UNC13B: variants seen among roughly 807,000 people sequenced by gnomAD.
The protein encoded by UNC13B is unc-13 homolog B, also known as protein unc-13 homolog B.
Under a neutral mutation model 211.0 loss-of-function variants are expected in UNC13B, and 144 were observed. The observed-to-expected ratio is 0.68, with a 90% CI of 0.60 to 0.78. The LOEUF (loss-of-function observed/expected upper bound fraction) is 0.78. Ranked by LOEUF, UNC13B falls within the 30% of genes least tolerant of loss-of-function variation. UNC13B has a pLI of 0.00. For missense variants in UNC13B, 1,777 were observed against 2,002.0 expected, an observed-to-expected ratio of 0.89 and a Z score of 2.14; for synonymous variants, 709 against 725.8, an observed-to-expected ratio of 0.98 and a Z score of 0.37.
chr9:35,166,515 A>AT (rs562837794), intron 1 of UNC13B, among the ~76,000 whole-genome samples: 9 of 150,718 alleles, frequency 6.0e-5, no homozygotes, highest in African/African-American at 1.5e-4. Context: ...TTTAAATTTA[A>AT]TTTTTTTTTT....
intron 11 of UNC13B, among the ~76,000 whole-genome samples, chr9:35,366,571 A>G (rs1052504427): frequency 6.6e-6 from 1 of 152,180 alleles, no homozygotes; most frequent in African/African-American, 2.4e-5. Flanking sequence ...TGGACTCTAT[A>G]TGAAGGTGTC....
intron 34 of UNC13B, 34 bp from the exon 35 acceptor site, chr9:35,399,358 T>A: frequency 1.2e-6 from 2 of 1,614,026 alleles, no homozygotes; most frequent in Non-Finnish European, 1.7e-6. Context: ...GGAGTTGGGG[T>A]CCTCTGCTTT....
In UNC13B at chr9:35,274,847, C is replaced by T. The variant is rs570091451; in HGVS notation, c.526+15797C>T. ...TTGGCTGCATCCAAATTGCAGTGCTCCCCCATAAAAGAGATGTCCAGCTCC... is the reference window on the plus strand; with the variant it reads ...TTGGCTGCATCCAAATTGCAGTGCTTCCCCATAAAAGAGATGTCCAGCTCC... On this transcript the variant is annotated intron_variant, in intron 7 of 39. Coordinates refer to ENST00000635942, the MANE Select transcript of UNC13B (RefSeq NM_001371189.2). 5.3e-5 allele frequency among the ~76,000 whole-genome samples: 8 copies of T among 152,256 alleles called. No homozygotes were observed. The South Asian group carries it at 1.7e-3, about 32-fold the overall frequency.
chr9:35,348,407 G>A (rs899566533), intron 11 of UNC13B, among the ~76,000 whole-genome samples: 2 of 152,214 alleles, frequency 1.3e-5, no homozygotes, highest in Non-Finnish European at 2.9e-5. Context: ...GGAACTGAAT[G>A]ATTTACTCCT....
In UNC13B at chr9:35,299,380, C is replaced by T. The variant is rs1021584064; in HGVS notation, c.762-786C>T. On this transcript the variant is annotated intron_variant, in intron 8 of 39. Coordinates refer to ENST00000635942, the MANE Select transcript of UNC13B (RefSeq NM_001371189.2). ...GACTATATTCTTGGCTACACATCCT[C>T]AAATATAACTTTCAGAAAGTTAACA... Among the ~76,000 whole-genome samples, 3 of 152,256 alleles carry T rather than the reference C, an allele frequency of 2.0e-5. No individual in the cohort carries two copies. The South Asian group carries it at 6.2e-4, about 32-fold the overall frequency.
intron 1 of UNC13B, among the ~76,000 whole-genome samples, chr9:35,214,602 A>C (rs979210619): frequency 6.6e-6 from 1 of 152,196 alleles, no homozygotes; most frequent in African/African-American, 2.4e-5. Flanking sequence ...AGGGAGAAAG[A>C]GAGAGGCTGA....
intron 11 of UNC13B, among the ~76,000 whole-genome samples, chr9:35,326,396 G>A (rs1444455634): frequency 6.6e-6 from 1 of 152,076 alleles, no homozygotes; most frequent in African/African-American, 2.4e-5. Flanking sequence ...CATATGATAA[G>A]GTTTAATTTG....
intron 6 of UNC13B, among the ~76,000 whole-genome samples, chr9:35,255,085 T>A (rs1037313149): frequency 4.8e-5 from 6 of 125,406 alleles, no homozygotes; most frequent in South Asian, 2.2e-4. Context: ...ATATATATAT[T>A]ATATATATAT....
intron 1 of UNC13B, among the ~76,000 whole-genome samples, chr9:35,208,672 C>G (rs1057128585): frequency 5.9e-5 from 9 of 152,256 alleles, no homozygotes; most frequent in African/African-American, 1.9e-4. Context: ...TCCTCATTCA[C>G]TTGCCATCAC....
chr9:35,291,498 C>T (rs1173965755), intron 7 of UNC13B, among the ~76,000 whole-genome samples: 1 of 152,176 alleles, frequency 6.6e-6, no homozygotes, highest in African/African-American at 2.4e-5. Context: ...GATTGGTGTG[C>T]ATTCTGATTT....
intron 10 of UNC13B, among the ~76,000 whole-genome samples, chr9:35,311,367 C>T (rs1830173440): frequency 6.6e-6 from 1 of 152,182 alleles, no homozygotes; most frequent in Non-Finnish European, 1.5e-5. Flanking sequence ...ATATGGCAGC[C>T]TCTGAGTCAG....
At chr9:35,314,715 G>A (rs758871949) in intron 11 of UNC13B, among the ~76,000 whole-genome samples, 17 of 151,714 alleles carry the variant, frequency 1.1e-4, no homozygotes, top group Non-Finnish European at 2.2e-4. Flanking sequence ...TAAGTCTCCA[G>A]TGTCTATTAT....
At chr9:35,179,926 C>T (rs1317037723) in intron 1 of UNC13B, among the ~76,000 whole-genome samples, 1 of 152,178 alleles carries the variant, frequency 6.6e-6, no homozygotes, top group African/African-American at 2.4e-5. Flanking sequence ...CTGTAAGAGT[C>T]AGTTGCCTAA....
At chr9:35,374,665 G>C (rs1834280728) in intron 13 of UNC13B, among the ~76,000 whole-genome samples, 1 of 152,240 alleles carries the variant, frequency 6.6e-6, no homozygotes, top group African/African-American at 2.4e-5. Flanking sequence ...GGATTATGTG[G>C]GCTTGGGGAG....
chr9:35,249,608 C>T (rs940684880), intron 6 of UNC13B, among the ~76,000 whole-genome samples: 2 of 152,174 alleles, frequency 1.3e-5, no homozygotes, highest in African/African-American at 4.8e-5. Context: ...TTCTCCTTCA[C>T]TTATGAAGCT....
chr9:35,284,034 G>C (rs539967142), intron 7 of UNC13B, among the ~76,000 whole-genome samples: 206 of 152,206 alleles, frequency 1.4e-3, no homozygotes, highest in African/African-American at 4.7e-3. Flanking sequence ...CTGAGGCCGG[G>C]GGATCACTTG....
At chr9:35,331,580 G>A (rs1831371444) in intron 11 of UNC13B, among the ~76,000 whole-genome samples, 1 of 152,080 alleles carries the variant, frequency 6.6e-6, no homozygotes, top group South Asian at 2.1e-4. Flanking sequence ...CCTAATAAGT[G>A]GGTACTGCTG....
At chr9:35,203,188 G>T (rs533115030) in intron 1 of UNC13B, among the ~76,000 whole-genome samples, 2 of 152,228 alleles carry the variant, frequency 1.3e-5, no homozygotes, top group South Asian at 4.2e-4. Flanking sequence ...TGTGAATTTG[G>T]TCCTGTCATT....
chr9:35,230,296 C>T (rs866409720), intron 2 of UNC13B, among the ~76,000 whole-genome samples: 1 of 151,774 alleles, frequency 6.6e-6, no homozygotes, highest in Non-Finnish European at 1.5e-5. Flanking sequence ...CGTGGTGAAA[C>T]CCCATCTCTA....
Sources: allele counts gnomAD v4.1 joint callset (sites outside exome capture counted in the v4.1 genomes callset), GRCh38; gene constraint gnomAD v4.1.1; transcripts MANE v1.5; gene names NCBI Gene and HGNC (gene_info 2026-07-23, HGNC 2026-07-21).